ADGRL2: variants seen among roughly 807,000 people sequenced by gnomAD.
The protein encoded by ADGRL2 is adhesion G protein-coupled receptor L2.
ADGRL2 carries 44 observed loss-of-function variants against 157.4 expected under a neutral mutation model. That is an observed-to-expected ratio of 0.28 (90% CI 0.22 to 0.36). The LOEUF (loss-of-function observed/expected upper bound fraction) is 0.36. Ranked by LOEUF, ADGRL2 falls within the 10% of genes least tolerant of loss-of-function variation. ADGRL2 has a pLI of 1.00. For synonymous variants in ADGRL2, 585 were observed against 624.7 expected (o/e 0.94, Z 0.95); for missense variants, 1,510 against 1,768.9 (o/e 0.85, Z 2.63).
intron 1 of ADGRL2, among the ~76,000 whole-genome samples, chr1:81,828,731 A>G (rs1462983307): frequency 2.6e-5 from 4 of 151,938 alleles, no homozygotes; most frequent in Non-Finnish European, 5.9e-5. Context: ...TACCTCTCCT[A>G]CTCCATGTTT....
intron 2 of ADGRL2, among the ~76,000 whole-genome samples, chr1:81,488,802 A>G (rs2078565300): frequency 6.6e-6 from 1 of 152,164 alleles, no homozygotes; most frequent in Non-Finnish European, 1.5e-5. Flanking sequence ...ATAAATCAAT[A>G]AAATGATCCC....
At chr1:81,576,899 A>G (rs2080808755) in intron 2 of ADGRL2, among the ~76,000 whole-genome samples, 3 of 152,192 alleles carry the variant, frequency 2.0e-5, no homozygotes, top group Admixed American at 1.3e-4. Flanking sequence ...ATAGAAAGAC[A>G]TGATCTCAGT....
At chr1:81,497,441 T>C (rs1278519465) in intron 2 of ADGRL2, among the ~76,000 whole-genome samples, 1 of 152,190 alleles carries the variant, frequency 6.6e-6, no homozygotes, top group Non-Finnish European at 1.5e-5. Context: ...ATGAGGTTCA[T>C]TCAAGGATGT....
chr1:81,762,210 C>A (rs1451899741), intron 2 of ADGRL2, among the ~76,000 whole-genome samples: 1 of 152,076 alleles, frequency 6.6e-6, no homozygotes, highest in Admixed American at 6.5e-5. Flanking sequence ...AAAGCATTAT[C>A]TGTGATACAA....
chr1:81,850,781 A>G (rs2092975980), intron 2 of ADGRL2, among the ~76,000 whole-genome samples: 1 of 151,918 alleles, frequency 6.6e-6, no homozygotes. Context: ...TATTGGTCAG[A>G]GCAATTTTAT....
chr1:81,492,481 A>T (rs1382869898), intron 2 of ADGRL2, among the ~76,000 whole-genome samples: 1 of 152,188 alleles, frequency 6.6e-6, no homozygotes, highest in East Asian at 1.9e-4. Flanking sequence ...ATCACATGGG[A>T]ATGAGAAATG....
intron 1 of ADGRL2, among the ~76,000 whole-genome samples, chr1:81,419,145 T>A (rs1404251252): frequency 6.6e-6 from 1 of 151,076 alleles, no homozygotes; most frequent in East Asian, 1.9e-4. Flanking sequence ...ATATTTGTAC[T>A]TCTGGACTGT....
intron 3 of ADGRL2, among the ~76,000 whole-genome samples, chr1:81,621,594 A>C (rs1269654301): frequency 6.6e-6 from 1 of 152,168 alleles, no homozygotes; most frequent in East Asian, 1.9e-4. Flanking sequence ...GAATTTTCCA[A>C]CAACATAAAT....
chr1:81,352,811 C>A (rs2100844866), intron 1 of ADGRL2, among the ~76,000 whole-genome samples: 1 of 152,132 alleles, frequency 6.6e-6, no homozygotes, highest in East Asian at 1.9e-4. Flanking sequence ...GCAATGGAAT[C>A]AAAGGGAAAA....
intron 2 of ADGRL2, among the ~76,000 whole-genome samples, chr1:81,535,407 A>G (rs1023626659): frequency 2.0e-5 from 3 of 151,704 alleles, no homozygotes; most frequent in Admixed American, 1.3e-4. Context: ...GTGTGTGTGT[A>G]TGTGTGTGTG....
intron 1 of ADGRL2, among the ~76,000 whole-genome samples, chr1:81,418,248 A>G (rs1289354111): frequency 2.0e-5 from 3 of 152,256 alleles, no homozygotes; most frequent in Admixed American, 6.5e-5. Flanking sequence ...AAAAATCGCA[A>G]CACTATTTTA....
At chr1:81,784,245 T>A (rs922254972) in intron 2 of ADGRL2, among the ~76,000 whole-genome samples, 1 of 152,240 alleles carries the variant, frequency 6.6e-6, no homozygotes, top group African/African-American at 2.4e-5. Context: ...AAAACATTAA[T>A]CTTTAATATA....
chr1:81,942,285 C>CTTTCTCTCTTTCTTT (rs1648323534), intron 5 of ADGRL2, among the ~76,000 whole-genome samples: 2 of 151,738 alleles, frequency 1.3e-5, no homozygotes, highest in African/African-American at 4.8e-5. Context: ...CTTTTTTACC[C>CTTTCTCTCTTTCTTT]TTTATCTCTT....
Position 81,943,282 on chromosome 1 carries a change from A to G in ADGRL2, c.723A>G (p.Arg241=). ...TTGTGAAATTTGACTTGAGGACTAG[A>G]ATTAAGAGTGGCGAGGCCATAATTA... ...RNIVKFDLRT[R]IKSGEAIINY... Residue 241 remains arginine, a synonymous_variant, in exon 6 of 24, where the codon AGA becomes AGG. Coordinates refer to ENST00000686636, the MANE Select transcript of ADGRL2 (RefSeq NM_001366006.2). This position sits in a 1 kb window ranked among gnomAD's most constrained non-coding sequence, Gnocchi z 5.6. The G allele has an allele frequency of 6.2e-7, 1 of 1,613,622 alleles. No homozygotes were observed. Among genetic ancestry groups the G allele is most frequent in the African/African-American group, 1.3e-5 (1 of 74,992 alleles).
intron 1 of ADGRL2, among the ~76,000 whole-genome samples, chr1:81,732,385 C>T (rs934915341): frequency 2.0e-5 from 3 of 152,210 alleles, no homozygotes; most frequent in Admixed American, 2.0e-4. Context: ...TATTGTTCTT[C>T]CTTTATGTCT....
At chr1:81,938,730 C>G (rs975835765) in intron 4 of ADGRL2, among the ~76,000 whole-genome samples, 4 of 151,504 alleles carry the variant, frequency 2.6e-5, no homozygotes, top group African/African-American at 9.7e-5. Context: ...TAGTGACACT[C>G]TATAAATTGC....
intron 2 of ADGRL2, among the ~76,000 whole-genome samples, chr1:81,506,773 G>A (rs1047440261): frequency 9.2e-5 from 14 of 151,638 alleles, no homozygotes; most frequent in African/African-American, 3.4e-4. Flanking sequence ...ACAATAAATT[G>A]TTGAGTTACC....
chr1:81,805,170 A>G (rs1377363085), intron 1 of ADGRL2, among the ~76,000 whole-genome samples: 1 of 152,132 alleles, frequency 6.6e-6, no homozygotes, highest in Non-Finnish European at 1.5e-5. Context: ...TTTTATGTTT[A>G]CAGAGAGAAC....
chr1:81,398,508 G>A (rs1435206973), intron 1 of ADGRL2, among the ~76,000 whole-genome samples: 1 of 151,780 alleles, frequency 6.6e-6, no homozygotes, highest in Non-Finnish European at 1.5e-5. Flanking sequence ...ATGTTTTTGT[G>A]GTGTGATTAT....
Sources: gnomAD v4.1 joint callset for allele counts (sites outside exome capture counted in the v4.1 genomes callset) on GRCh38, gnomAD v4.1.1 for gene constraint, Gnocchi (gnomAD v3.1) non-coding constraint, MANE v1.5 for transcripts, NCBI Gene and HGNC (gene_info 2026-07-23, HGNC 2026-07-21) for gene names.